The following KANK1 variants were observed in gnomAD, a reference collection of about 807,000 sequenced individuals.
KANK1 encodes KN motif and ankyrin repeat domains 1, also known as KN motif and ankyrin repeat domain-containing protein 1.
Under a neutral mutation model 106.2 loss-of-function variants are expected in KANK1, and 109 were observed. The ratio of observed to expected loss-of-function variants is 1.03; its 90% CI spans 0.88 to 1.20. The LOEUF is 1.20. Ranked by LOEUF, KANK1 falls within the 50% of genes most tolerant of loss-of-function variation. KANK1 has a pLI of 0.00. For synonymous variants in KANK1, 873 were observed against 652.2 expected, an observed-to-expected ratio of 1.34 and a Z score of -5.16; for missense variants, 2,399 against 1,710.7, an observed-to-expected ratio of 1.40 and a Z score of -7.10.
intron 8 of KANK1, 31 bp from the exon 9 acceptor site, chr9:740,761 C>T: frequency 1.3e-6 from 2 of 1,586,722 alleles, no homozygotes; most frequent in South Asian, 1.1e-5. Flanking sequence ...GGGCTGCTTC[C>T]TAAGAGACTT....
At chr9:497,150 T>G (rs149098223) in intron 3 of KANK1, among the ~76,000 whole-genome samples, 288 of 152,060 alleles carry the variant, frequency 1.9e-3, no homozygotes, top group African/African-American at 6.7e-3. Context: ...GAACCAGAAG[T>G]GTGGGGCTAT....
Position 711,294 on chromosome 9 carries a change from G to A in KANK1, c.528G>A (p.Pro176=), listed in dbSNP as rs114347114. The change falls in exon 3 of 12, where the codon CCG becomes CCA. Residue 176 remains proline (P), a synonymous_variant. Coordinates refer to ENST00000382297, the MANE Select transcript of KANK1 (RefSeq NM_015158.5). The part of the protein sequence containing the change: ...EQERATMQMT[P]GEFRRPRLAS... ...AGAGAGCCACCATGCAGATGACACCGGGTGAGTTCAGAAGGCCCAGGCTGG... is the reference window on the plus strand; with the variant it reads ...AGAGAGCCACCATGCAGATGACACCAGGTGAGTTCAGAAGGCCCAGGCTGG... The A allele has an allele frequency of 2.0e-3, 3,161 of 1,614,154 alleles. 10 individuals are homozygous for A. Among genetic ancestry groups the A allele is most frequent in the Non-Finnish European group, 1.8e-3 (2,146 of 1,180,042 alleles).
chr9:651,617 A>G (rs1289741372), intron 1 of KANK1, among the ~76,000 whole-genome samples: 3 of 152,202 alleles, frequency 2.0e-5, no homozygotes, highest in South Asian at 2.1e-4. Flanking sequence ...TCTCAACACA[A>G]TGATGTCTTC....
intron 2 of KANK1, among the ~76,000 whole-genome samples, chr9:709,625 T>C (rs1048605591): frequency 2.6e-5 from 4 of 151,854 alleles, no homozygotes; most frequent in African/African-American, 9.7e-5. Context: ...TTTTTTTTTT[T>C]TTTAATTGAG....
chr9:741,907 C>G (rs141204465), intron 9 of KANK1, among the ~76,000 whole-genome samples: 29 of 152,254 alleles, frequency 1.9e-4, no homozygotes, highest in African/African-American at 7.0e-4. Context: ...GCGTGACCCA[C>G]CACTCCAGGC....
chr9:618,834 A>T, intron 1 of KANK1, among the ~76,000 whole-genome samples: 1 of 152,306 alleles, frequency 6.6e-6, no homozygotes, highest in South Asian at 2.1e-4. Flanking sequence ...GCTGACATTT[A>T]ATACCTGTCT....
chr9:541,938 A>T (rs1489407049), intron 1 of KANK1, among the ~76,000 whole-genome samples: 1 of 151,474 alleles, frequency 6.6e-6, no homozygotes, highest in African/African-American at 2.4e-5. Context: ...AAATACAAAA[A>T]ATTAGCCGGG....
chr9:661,376 C>G (rs1431001393), intron 1 of KANK1, among the ~76,000 whole-genome samples: 1 of 151,820 alleles, frequency 6.6e-6, no homozygotes, highest in Non-Finnish European at 1.5e-5. Context: ...CATGCAGTGT[C>G]TGGTTTTCTG....
intron 1 of KANK1, among the ~76,000 whole-genome samples, chr9:542,997 A>G (rs904704840): frequency 6.6e-6 from 1 of 152,156 alleles, no homozygotes; most frequent in African/African-American, 2.4e-5. Context: ...GTTAATGTAT[A>G]CTTGGAAATT....
intron 1 of KANK1, chr9:549,020 T>C (rs550235267): frequency 9.2e-5 from 14 of 152,274 alleles, no homozygotes; most frequent in Non-Finnish European, 1.8e-4. Context: ...ATTATAGATA[T>C]GGTCATGTAA....
chr9:561,537 A>T (rs558077777), intron 1 of KANK1, among the ~76,000 whole-genome samples: 141 of 152,330 alleles, frequency 9.3e-4, no homozygotes, highest in African/African-American at 3.3e-3. Flanking sequence ...CCTTAGGACA[A>T]ATTCTTAGCA....
intron 8 of KANK1, among the ~76,000 whole-genome samples, chr9:740,448 C>G (rs947337553): frequency 6.6e-6 from 1 of 152,190 alleles, no homozygotes; most frequent in Non-Finnish European, 1.5e-5. Context: ...CTAAACACAG[C>G]TGAGTGCCTA....
intron 1 of KANK1, among the ~76,000 whole-genome samples, chr9:585,909 A>G (rs1265165724): frequency 2.6e-5 from 4 of 152,220 alleles, no homozygotes; most frequent in African/African-American, 4.8e-5. Flanking sequence ...CTGAAGGTCA[A>G]CAGGGGAGTT....
At chr9:501,543 C>G (rs1234323332), upstream of KANK1, among the ~76,000 whole-genome samples, 1 of 151,896 alleles carries the variant, frequency 6.6e-6, no homozygotes, top group Non-Finnish European at 1.5e-5. Flanking sequence ...GTGAGCAAAT[C>G]TATTCCAAGA....
chr9:660,127 C>A, intron 1 of KANK1: 1 of 403,722 alleles, frequency 2.5e-6, no homozygotes, highest in Non-Finnish European at 4.9e-6. Context: ...TTACTACTGT[C>A]CAAGGGACTG....
At chr9:507,476 G>A (rs900736567) in intron 1 of KANK1, among the ~76,000 whole-genome samples, 9 of 151,694 alleles carry the variant, frequency 5.9e-5, no homozygotes, top group African/African-American at 9.7e-5. Context: ...TGCAACCTCC[G>A]CCTCCCAGGT....
At chr9:590,603 C>CTTAA in intron 1 of KANK1, among the ~76,000 whole-genome samples, 1 of 148,828 alleles carries the variant, frequency 6.7e-6, no homozygotes, top group African/African-American at 2.6e-5. Context: ...TGTAACTTTA[C>CTTAA]CACCATTAAA....
chr9:627,509 T>C (rs1033843013), intron 1 of KANK1, among the ~76,000 whole-genome samples: 1 of 152,206 alleles, frequency 6.6e-6, no homozygotes, highest in African/African-American at 2.4e-5. Context: ...GAATTTAATC[T>C]CTTCTCCAAA....
chr9:739,015 C>T (rs1260599739), intron 8 of KANK1, among the ~76,000 whole-genome samples: 1 of 152,160 alleles, frequency 6.6e-6, no homozygotes, highest in African/African-American at 2.4e-5. Flanking sequence ...ACCATTCTCA[C>T]CAAAATATAC....
Sources: allele counts gnomAD v4.1 joint callset (sites outside exome capture counted in the v4.1 genomes callset), GRCh38; gene constraint gnomAD v4.1.1; transcripts MANE v1.5; gene names NCBI Gene and HGNC (gene_info 2026-07-23, HGNC 2026-07-21).